The following TTC7A variants were observed in gnomAD, a reference collection of about 807,000 sequenced individuals.
TTC7A encodes the protein tetratricopeptide repeat protein 7A.
Under a neutral mutation model 103.7 loss-of-function variants are expected in TTC7A, and 110 were observed. That is an observed-to-expected ratio of 1.06 (90% confidence interval 0.91 to 1.24). The LOEUF is 1.24. Ranked by LOEUF, TTC7A falls within the 50% of genes most tolerant of loss-of-function variation. The pLI is 0.00. For synonymous variants in TTC7A, 521 were observed against 467.9 expected (o/e 1.11, Z -1.47); for missense variants, 1,340 against 1,116.3 (o/e 1.20, Z -2.86).
At chr2:47,059,267 C>T (rs1343142316) in intron 18 of TTC7A, among the ~76,000 whole-genome samples, 2 of 151,964 alleles carry the variant, frequency 1.3e-5, no homozygotes, top group Admixed American at 1.3e-4. Flanking sequence ...GTGATCTACC[C>T]GCCTTGGCCT....
chr2:47,067,715 C>T (rs1041124995), intron 19 of TTC7A: 2 of 152,320 alleles, frequency 1.3e-5, no homozygotes, highest in Middle Eastern at 3.4e-3. Context: ...ATCTGTAAAA[C>T]GAGGCTTGCT....
At chr2:47,023,080 G>C (rs1183713939) in intron 12 of TTC7A, among the ~76,000 whole-genome samples, 2 of 152,254 alleles carry the variant, frequency 1.3e-5, no homozygotes, top group Non-Finnish European at 2.9e-5. Context: ...AGGAAGGTAT[G>C]TGGCCAGGCA....
intron 5 of TTC7A, among the ~76,000 whole-genome samples, chr2:46,984,828 G>A (rs746249467): frequency 6.6e-6 from 1 of 152,156 alleles, no homozygotes; most frequent in Non-Finnish European, 1.5e-5. Context: ...GGGCCTGAGC[G>A]GCCTGGAAAC....
intron 15 of TTC7A, among the ~76,000 whole-genome samples, chr2:47,044,437 G>A (rs962038036): frequency 1.3e-5 from 2 of 152,226 alleles, no homozygotes; most frequent in African/African-American, 4.8e-5. Context: ...GGCAAGACCA[G>A]TTGTCCCCAG....
chr2:46,947,104 T>C (rs1671009350), intron 1 of TTC7A, among the ~76,000 whole-genome samples: 1 of 152,224 alleles, frequency 6.6e-6, no homozygotes, highest in Non-Finnish European at 1.5e-5. Flanking sequence ...CGTACTCTTT[T>C]AAGTTGTTAA....
rs1682705730 is a variant in TTC7A, at chr2:47,049,946, C to T, written c.1920-3C>T. On this transcript the variant is annotated splice_region_variant and splice_polypyrimidine_tract_variant and intron_variant, in intron 16 of 19. Coordinates refer to ENST00000319190, the MANE Select transcript of TTC7A (RefSeq NM_020458.4). ...CGGACCCTGGCCCTCTTTTGCCTTC[C>T]AGAGGCCTAGAAAAGGATGGCAGCT... is the stretch of plus-strand genomic sequence containing the variant. The T allele has an allele frequency of 6.2e-7, 1 of 1,613,652 alleles. No individual in the cohort carries two copies. Among genetic ancestry groups the T allele is most frequent in the African/African-American group, 1.3e-5 (1 of 74,912 alleles).
At position 47,053,543 on chromosome 2, in the gene TTC7A, T is replaced by TTTGTTTGGTTGGTTGG. The variant is rs66907808; in HGVS notation, c.2152+1666_2152+1667insTTTGGTTGGTTGGTTG. Among the ~76,000 whole-genome samples the TTTGTTTGGTTGGTTGG allele has an allele frequency of 1.0e-2, 1,402 of 140,206 alleles. 24 individuals carry two copies. The highest frequency in any genetic ancestry group is 0.048 in the East Asian group (223 of 4,684). 92.0% of individuals were successfully genotyped at this position (140,206 alleles called of 152,430 possible). On this transcript the variant is annotated intron_variant, in intron 18 of 19. Transcript: ENST00000319190. ...TTTGGTGGGTTTTTTTGTTTGTTTGTTTGGTTGGTTGGTTGGTTGGTTGGT... is the reference window on the plus strand; with the variant it reads ...TTTGGTGGGTTTTTTTGTTTGTTTGTTTGTTTGGTTGGTTGGTTGGTTGGTTGGTTGGTTGGTTGGT...
At chr2:46,977,857 G>A (rs568756515) in intron 4 of TTC7A, among the ~76,000 whole-genome samples, 36 of 152,288 alleles carry the variant, frequency 2.4e-4, no homozygotes, top group African/African-American at 8.7e-4. Flanking sequence ...ATAAACGTGA[G>A]CCACCACATC....
At position 47,074,108 on chromosome 2, in the gene TTC7A, G is replaced by T; in HGVS notation, c.*185G>T. 1 of 601,976 alleles carries T rather than the reference G, an allele frequency of 1.7e-6. No individual in the cohort carries two copies. Among genetic ancestry groups the T allele is most frequent in the East Asian group, 2.8e-5 (1 of 36,102 alleles). 37.3% of individuals were successfully genotyped at this position (601,976 alleles called of 1,614,324 possible). ...CAAGAGGGCCTTCCTGGATTTCTTT[G>T]TTGGTGCCTTGGGAAACAGTCTGAC... On this transcript the variant is annotated 3_prime_UTR_variant, in exon 20 of 20. Transcript: ENST00000319190.
chr2:47,007,070 G>A lies in TTC7A; in HGVS notation c.1287+346G>A, dbSNP rs1363938203. 1.3e-5 allele frequency among the ~76,000 whole-genome samples: 2 copies of A among 152,170 alleles called. No homozygotes were observed. Among genetic ancestry groups the A allele is most frequent in the African/African-American group, 2.4e-5 (1 of 41,424 alleles). ...TCCAGGTGAGTGAACATTGTTCCAC[G>A]TGGGCTGTAGTTCTCATCCTGTCCA... On this transcript the variant is annotated intron_variant, in intron 10 of 19. Coordinates refer to ENST00000319190, the MANE Select transcript of TTC7A (RefSeq NM_020458.4). The surrounding 1 kb of genome is among the most constrained non-coding windows in gnomAD (Gnocchi z 4.9).
intron 3 of TTC7A, chr2:46,958,455 G>A (rs1313616622): frequency 7.7e-7 from 1 of 1,297,858 alleles, no homozygotes; most frequent in Admixed American, 2.3e-5. Flanking sequence ...CCTGGCTCAG[G>A]ATGGATTGCC....
chr2:47,022,089 A>G (rs1422959224), intron 12 of TTC7A, 110 bp downstream of exon 12: 13 of 721,836 alleles, frequency 1.8e-5, no homozygotes, highest in Non-Finnish European at 2.8e-5. Context: ...ATGCCTCCAT[A>G]GACACCATGC....
In TTC7A at chr2:47,060,536, T is replaced by C. The variant is rs572245669; in HGVS notation, c.2153-233T>C. Among the ~76,000 whole-genome samples the C allele has an allele frequency of 7.2e-5, 11 of 152,264 alleles. No individual in the cohort carries two copies. The South Asian group carries it at 1.2e-3, about 17-fold the overall frequency. On this transcript the variant is annotated intron_variant, in intron 18 of 19. Coordinates refer to ENST00000319190, the MANE Select transcript of TTC7A (RefSeq NM_020458.4). ...TTTTTGTGAGCATTAACTGGGACGA[T>C]CTTGGTGCCATTGACTGGCACTTAG...
At chr2:46,974,865 C>A in intron 3 of TTC7A, 108 bp from the exon 4 acceptor site, 1 of 1,478,974 alleles carries the variant, frequency 6.8e-7, no homozygotes, top group Non-Finnish European at 9.2e-7. Flanking sequence ...CTCCTGGCTG[C>A]ACCAGAGTGT....
chr2:46,973,430 T>G (rs1673549247), intron 3 of TTC7A, among the ~76,000 whole-genome samples: 1 of 152,192 alleles, frequency 6.6e-6, no homozygotes, highest in Non-Finnish European at 1.5e-5. Flanking sequence ...CTACCCTCAT[T>G]TATCCCCCGT....
intron 12 of TTC7A, 48 bp downstream of exon 12, chr2:47,022,027 T>C: frequency 7.0e-7 from 1 of 1,424,430 alleles, no homozygotes; most frequent in East Asian, 2.3e-5. Flanking sequence ...GGCTCAGGCT[T>C]CCTAACTGCC....
intron 15 of TTC7A, among the ~76,000 whole-genome samples, chr2:47,033,520 TG>T (rs1428046388): frequency 6.6e-6 from 1 of 152,190 alleles, no homozygotes; most frequent in African/African-American, 2.4e-5. Context: ...GGTGGGGGAA[TG>T]GACCCCTGTC....
rs200604937 is a variant in TTC7A, at chr2:47,049,973, C to T, written c.1944C>T (p.Phe648=). The T allele has an allele frequency of 1.3e-4, 210 of 1,614,072 alleles. 1 individual carries two copies. The highest frequency in any genetic ancestry group is 5.5e-4 in the South Asian group (50 of 91,074). Residue 648 remains phenylalanine (F), a synonymous_variant, in exon 17 of 20, where the codon TTC becomes TTT. Coordinates refer to ENST00000319190, the MANE Select transcript of TTC7A (RefSeq NM_020458.4). ...QLGGLEKDGS[F]GEGLTMKKQS... Reference sequence around the variant, plus strand: ...GAGGCCTAGAAAAGGATGGCAGCTTCGGTGAGGGCCTCACCATGAAGAAGC... The same window carrying T: ...GAGGCCTAGAAAAGGATGGCAGCTTTGGTGAGGGCCTCACCATGAAGAAGC...
intron 1 of TTC7A, among the ~76,000 whole-genome samples, chr2:46,949,684 C>T (rs929035743): frequency 1.5e-4 from 23 of 152,142 alleles, no homozygotes; most frequent in African/African-American, 5.1e-4. Flanking sequence ...GATCTGCTTC[C>T]CACCTAACTC....
Sources: gnomAD v4.1 joint callset for allele counts (sites outside exome capture counted in the v4.1 genomes callset) on GRCh38, gnomAD v4.1.1 for gene constraint, Gnocchi (gnomAD v3.1) non-coding constraint, MANE v1.5 for transcripts, NCBI Gene and HGNC (gene_info 2026-07-23, HGNC 2026-07-21) for gene names.